Variants in ALMS1 observed in about 807,000 individuals in gnomAD.
ALMS1 encodes ALMS1 centrosome and basal body associated protein, also known as centrosome-associated protein ALMS1.
In ALMS1, 271 loss-of-function variants were observed where a neutral mutation model predicts 352.2. The ratio of observed to expected loss-of-function variants is 0.77; its 90% confidence interval spans 0.70 to 0.85. The LOEUF is 0.85. Among genes scored for constraint, ALMS1 ranks in the 40% least tolerant of loss-of-function variants. The pLI is 0.00. For missense variants in ALMS1, 5,445 were observed against 4,870.7 expected (o/e 1.12, Z -3.51); for synonymous variants, 1,865 against 1,761.2 (o/e 1.06, Z -1.48).
Position 73,455,300 on chromosome 2 carries a change from AAAAG to A in ALMS1, c.7674+9_7674+12del. ...AGAACAACTGACTTGTCCAAGGTATAAAAGAAATCTGGAAATGAAGAAAGTAAAT... is the reference window on the plus strand; with the variant it reads ...AGAACAACTGACTTGTCCAAGGTATAAAATCTGGAAATGAAGAAAGTAAAT... On this transcript the variant is annotated splice_donor_region_variant and intron_variant, in intron 9 of 22. Coordinates refer to ENST00000613296, the MANE Select transcript of ALMS1 (RefSeq NM_001378454.1). 6.2e-7 allele frequency: 1 copy of A among 1,613,952 alleles called. No individual in the cohort carries two copies. Among genetic ancestry groups the A allele is most frequent in the Non-Finnish European group, 8.5e-7 (1 of 1,179,934 alleles).
chr2:73,599,378 C>G, intron 16 of ALMS1, 23 bp from the exon 17 acceptor site: 1 of 1,611,040 alleles, frequency 6.2e-7, no homozygotes, highest in East Asian at 2.2e-5. Flanking sequence ...GTAATAATAA[C>G]AAGATCTCTT....
chr2:73,470,215 T>G (rs1238667691), intron 9 of ALMS1: 2 of 151,800 alleles, frequency 1.3e-5, no homozygotes, highest in Admixed American at 6.6e-5. Flanking sequence ...ATTCTTTCCT[T>G]TTTTCTGCTA....
At chr2:73,464,269 TG>T (rs1249819473) in intron 9 of ALMS1, among the ~76,000 whole-genome samples, 3 of 152,224 alleles carry the variant, frequency 2.0e-5, no homozygotes, top group Non-Finnish European at 4.4e-5. Context: ...GCTTCATCCC[TG>T]GGATGCAAGG....
Position 73,433,744 on chromosome 2 carries a change from C to T in ALMS1, c.1432+1453C>T, listed in dbSNP as rs565430854. On this transcript the variant is annotated intron_variant, in intron 7 of 22. Transcript: ENST00000613296. The stretch of plus-strand genomic sequence containing the variant: ...AGAATTTACTGTGAAACTACCTGGG[C>T]TGTTCTTTGTAGGAAGTTTTTAAAT... Among the ~76,000 whole-genome samples, 18 of 152,220 alleles carry T rather than the reference C, an allele frequency of 1.2e-4. 1 individual carries two copies. The South Asian group carries it at 3.7e-3, about 32-fold the overall frequency.
chr2:73,550,202 TA>T, intron 12 of ALMS1, 64 bp from the exon 13 acceptor site: 2 of 1,593,068 alleles, frequency 1.3e-6, no homozygotes, highest in Non-Finnish European at 1.7e-6. Context: ...GGCAAATTTT[TA>T]AAAAGTCTTT....
chr2:73,447,594 C>G (rs1317312248), intron 7 of ALMS1, among the ~76,000 whole-genome samples: 1 of 152,070 alleles, frequency 6.6e-6, no homozygotes, highest in Non-Finnish European at 1.5e-5. Flanking sequence ...GACCTTATGT[C>G]TTCTGCCAGC....
At chr2:73,513,339 A>T (rs757284228) in intron 10 of ALMS1, among the ~76,000 whole-genome samples, 5 of 152,036 alleles carry the variant, frequency 3.3e-5, no homozygotes, top group African/African-American at 4.8e-5. Flanking sequence ...CTGACTCCCC[A>T]TGCTGAACTA....
rs747436819 is a variant in ALMS1 at position 73,568,995 on chromosome 2, C to CTTTTTTTTTTTTTTTTTT, written c.10385-3247_10385-3230dup. Reference sequence around the variant, plus strand: ...AGCTTGCTTGCTGCTGCTTCTGCTTCTTTTTTTTTTTTTTTTTTTTTTTTT... The same window carrying CTTTTTTTTTTTTTTTTTT: ...AGCTTGCTTGCTGCTGCTTCTGCTTCTTTTTTTTTTTTTTTTTTTTTTTTTTTTTTTTTTTTTTTTTTT... On this transcript the variant is annotated intron_variant, in intron 15 of 22. Transcript: ENST00000613296. Among the ~76,000 whole-genome samples, 13 of 53,556 alleles carry CTTTTTTTTTTTTTTTTTT rather than the reference C, an allele frequency of 2.4e-4. 5 individuals carry two copies. Among genetic ancestry groups the CTTTTTTTTTTTTTTTTTT allele is most frequent in the Non-Finnish European group, 2.7e-4 (8 of 29,534 alleles). 35.1% of individuals were successfully genotyped at this position (53,556 alleles called of 152,430 possible).
At chr2:73,458,580 T>A (rs750148329) in intron 9 of ALMS1, 2 of 152,204 alleles carry the variant, frequency 1.3e-5, no homozygotes, top group Non-Finnish European at 2.9e-5. Flanking sequence ...CAAAGCAGAA[T>A]GGTCAACACA....
In ALMS1 at chr2:73,448,650, C is replaced by T. The variant is rs538606139; in HGVS notation, c.2123C>T (p.Thr708Ile). 3.1e-6 allele frequency: 5 copies of T among 1,611,768 alleles called. No individual in the cohort carries two copies. Among genetic ancestry groups the T allele is most frequent in the African/African-American group, 1.3e-5 (1 of 74,158 alleles). ...VSGPADQKTG[T>I]ATVLSTPHSH... ...GGACCAGCTGACCAGAAGACTGGGA[C>T]AGCAACAGTACTCTCTACTCCCCAC... The change falls in exon 8 of 23, where the codon ACA (threonine) becomes ATA (isoleucine). Residue 708 changes from threonine to isoleucine, a missense_variant. Transcript: ENST00000613296.
At chr2:73,492,488 G>A (rs969662504) in intron 10 of ALMS1, among the ~76,000 whole-genome samples, 2 of 152,164 alleles carry the variant, frequency 1.3e-5, no homozygotes, top group African/African-American at 4.8e-5. Flanking sequence ...TTTAATCAGA[G>A]TAAGGATTTG....
At position 73,385,902 on chromosome 2, in the gene ALMS1, C is replaced by CTGG. The variant is rs1244345693; in HGVS notation, c.35_37dup (p.Leu12_Glu13insVal). 1.3e-6 allele frequency: 1 copy of CTGG among 751,460 alleles called. No individual in the cohort carries two copies. The highest frequency in any genetic ancestry group is 2.1e-6 in the Non-Finnish European group (1 of 470,818). The allele number at this position is 751,460 out of a possible 1,614,324, so 46.5% of individuals were successfully genotyped here. Reference sequence around the variant, plus strand: ...CGAGGATCTGCCATGGCCGGGCGAGCTGGAGGAGGAGGAGGAGGAGGAGGA... The same window carrying CTGG: ...CGAGGATCTGCCATGGCCGGGCGAGCTGGTGGAGGAGGAGGAGGAGGAGGAGGA... On this transcript the variant is annotated inframe_insertion, in exon 1 of 23. Coordinates refer to ENST00000613296, the MANE Select transcript of ALMS1 (RefSeq NM_001378454.1).
Position 73,385,925 on chromosome 2 carries a change from G to GGAGGAGGAGGAGGAGGAGGAGGAGGAA in ALMS1, c.74_75insGGAGGAGGAAGAGGAGGAGGAGGAGGA (p.Glu20_Glu28dup). 9.9e-7 allele frequency: 1 copy of GGAGGAGGAGGAGGAGGAGGAGGAGGAA among 1,008,106 alleles called. No homozygotes were observed. Among genetic ancestry groups the GGAGGAGGAGGAGGAGGAGGAGGAGGAA allele is most frequent in the South Asian group, 1.4e-5 (1 of 71,036 alleles). 62.4% of individuals were successfully genotyped at this position (1,008,106 alleles called of 1,614,324 possible). A position where few individuals can be genotyped will look rare whatever the true frequency, so the allele number is the denominator to read the frequency against. ...AGCTGGAGGAGGAGGAGGAGGAGGA[G>GGAGGAGGAGGAGGAGGAGGAGGAGGAA]GAGGAGGAGGAGGAGGAAGAGGAGG... On this transcript the variant is annotated inframe_insertion, in exon 1 of 23. Coordinates refer to ENST00000613296, the MANE Select transcript of ALMS1 (RefSeq NM_001378454.1).
At chr2:73,388,063 G>A (rs79335681) in intron 1 of ALMS1, among the ~76,000 whole-genome samples, 12,083 of 152,122 alleles carry the variant, frequency 0.079, 1,214 homozygotes, top group African/African-American at 0.23. Flanking sequence ...GGTTGGGTGA[G>A]TCTTAAGATT....
chr2:73,597,099 C>G (rs1261625667), intron 16 of ALMS1, among the ~76,000 whole-genome samples: 1 of 151,926 alleles, frequency 6.6e-6, no homozygotes, highest in East Asian at 1.9e-4. Context: ...TCTGATGTCT[C>G]CCAGCAATGT....
intron 9 of ALMS1, among the ~76,000 whole-genome samples, chr2:73,483,500 G>C (rs1394742127): frequency 1.3e-5 from 2 of 151,698 alleles, no homozygotes; most frequent in African/African-American, 4.9e-5. Flanking sequence ...CAAGTATGTG[G>C]TCAATTTTGG....
intron 15 of ALMS1, among the ~76,000 whole-genome samples, chr2:73,569,106 T>C (rs1468785927): frequency 6.7e-6 from 1 of 149,288 alleles, no homozygotes; most frequent in Non-Finnish European, 1.5e-5. Flanking sequence ...CCTCCACCTT[T>C]TGGATTTAAG....
Position 73,453,528 on chromosome 2 carries a change from A to G in ALMS1, c.7001A>G (p.Lys2334Arg). 6.2e-7 allele frequency: 1 copy of G among 1,613,840 alleles called. No individual in the cohort carries two copies. The highest frequency in any genetic ancestry group is 8.5e-7 in the Non-Finnish European group (1 of 1,179,972). Residue 2334 changes from lysine (K) to arginine (R), a missense_variant, in exon 8 of 23, where the codon AAG (lysine) becomes AGG (arginine). Coordinates refer to ENST00000613296, the MANE Select transcript of ALMS1 (RefSeq NM_001378454.1). Reference protein sequence around the residue: ...EESPSSRCIQKDIGTQTNLKC... With the variant: ...EESPSSRCIQRDIGTQTNLKC... The stretch of plus-strand genomic sequence containing the variant: ...AGCCCAAGCAGCAGGTGCATACAGA[A>G]GGATATTGGCACACAGACGAATTTG...
At chr2:73,530,512 G>A (rs985050132) in intron 11 of ALMS1, among the ~76,000 whole-genome samples, 5 of 152,228 alleles carry the variant, frequency 3.3e-5, no homozygotes, top group African/African-American at 1.2e-4. Context: ...CTACTGTCAT[G>A]AGCTGGTGTT....
Sources: gnomAD v4.1 joint callset for allele counts (sites outside exome capture counted in the v4.1 genomes callset) on GRCh38, gnomAD v4.1.1 for gene constraint, MANE v1.5 for transcripts, NCBI Gene and HGNC (gene_info 2026-07-23, HGNC 2026-07-21) for gene names.